Variants in CERS6 observed in about 807,000 individuals in gnomAD.
The protein encoded by CERS6 is LAG1 homolog, ceramide synthase 6.
Under a neutral mutation model 56.8 loss-of-function variants are expected in CERS6, and 26 were observed. That is an observed-to-expected ratio of 0.46 (90% CI 0.34 to 0.63). The LOEUF (loss-of-function observed/expected upper bound fraction) is 0.63, where lower values mean the gene tolerates loss of function less well. Ranked by LOEUF, CERS6 falls within the 30% of genes least tolerant of loss-of-function variation. The pLI is 0.01. For missense variants in CERS6, 415 were observed against 467.5 expected, an observed-to-expected ratio of 0.89 and a Z score of 1.04; for synonymous variants, 164 against 173.3, an observed-to-expected ratio of 0.95 and a Z score of 0.42.
chr2:168,492,782 G>A (rs1351323339), intron 1 of CERS6, among the ~76,000 whole-genome samples: 1 of 151,920 alleles, frequency 6.6e-6, no homozygotes, highest in Non-Finnish European at 1.5e-5. Flanking sequence ...TCTTTTATTG[G>A]GAGAGGAATA....
At chr2:168,527,116 G>A (rs552702410) in intron 1 of CERS6, among the ~76,000 whole-genome samples, 1 of 152,168 alleles carries the variant, frequency 6.6e-6, no homozygotes, top group African/African-American at 2.4e-5. Context: ...AGGCTGCTTG[G>A]CTGGAAGAGG....
chr2:168,747,569 A>G (rs1050762373), intron 8 of CERS6, among the ~76,000 whole-genome samples: 2 of 152,208 alleles, frequency 1.3e-5, no homozygotes, highest in Non-Finnish European at 2.9e-5. Flanking sequence ...ATATAGCCAA[A>G]TTATTTTCTA....
At chr2:168,708,774 T>A (rs1205462187) in intron 6 of CERS6, among the ~76,000 whole-genome samples, 1 of 152,176 alleles carries the variant, frequency 6.6e-6, no homozygotes, top group South Asian at 2.1e-4. Flanking sequence ...AAAATCTTGC[T>A]CTTCTAAATT....
intron 2 of CERS6, among the ~76,000 whole-genome samples, chr2:168,551,139 C>T (rs527367686): frequency 9.9e-5 from 15 of 152,282 alleles, no homozygotes; most frequent in Non-Finnish European, 1.9e-4. Context: ...CAAATGTGGA[C>T]CCTTCTGAAT....
chr2:168,542,511 T>C (rs1198807328), intron 1 of CERS6, among the ~76,000 whole-genome samples: 1 of 152,224 alleles, frequency 6.6e-6, no homozygotes, highest in Non-Finnish European at 1.5e-5. Flanking sequence ...CCAACTATTT[T>C]TGGAAAGCAT....
At chr2:168,698,569 C>T (rs955381336) in intron 6 of CERS6, among the ~76,000 whole-genome samples, 10 of 152,056 alleles carry the variant, frequency 6.6e-5, no homozygotes, top group African/African-American at 2.2e-4. Context: ...GATGAGAAAC[C>T]GCACCCAGGA....
rs569673750 is a variant in CERS6 at position 168,767,272 on chromosome 2, A to G, written c.1002+1524A>G. On this transcript the variant is annotated intron_variant, in intron 9 of 9. Transcript: ENST00000305747. ...GATAGTAAGATTCATCTTGACCATG[A>G]GTTATTTTCCTCTGGGCTATTTTGA... Among the ~76,000 whole-genome samples, 12 of 152,322 alleles carry G rather than the reference A, an allele frequency of 7.9e-5. No homozygotes were observed. The South Asian group carries it at 2.5e-3, about 32-fold the overall frequency.
chr2:168,623,093 G>A (rs751455617), intron 3 of CERS6, among the ~76,000 whole-genome samples: 1 of 152,056 alleles, frequency 6.6e-6, no homozygotes, highest in Non-Finnish European at 1.5e-5. Flanking sequence ...GTAACAGCTC[G>A]AAAAGGAGAC....
At chr2:168,711,594 C>T (rs1687091170) in intron 6 of CERS6, among the ~76,000 whole-genome samples, 2 of 151,932 alleles carry the variant, frequency 1.3e-5, no homozygotes, top group East Asian at 3.9e-4. Context: ...ATTAGCTGGG[C>T]GTGGTGGCTC....
At chr2:168,517,160 T>A (rs1435194836) in intron 1 of CERS6, among the ~76,000 whole-genome samples, 1 of 151,594 alleles carries the variant, frequency 6.6e-6, no homozygotes, top group Non-Finnish European at 1.5e-5. Flanking sequence ...AGGTTACTCT[T>A]AGGAGGATGT....
chr2:168,721,277 A>G (rs935830980), intron 8 of CERS6, among the ~76,000 whole-genome samples: 4 of 152,180 alleles, frequency 2.6e-5, no homozygotes, highest in African/African-American at 7.2e-5. Context: ...TGTAGCTTGT[A>G]TCAGTACTTC....
intron 8 of CERS6, among the ~76,000 whole-genome samples, chr2:168,760,891 G>T (rs1481648242): frequency 1.3e-5 from 2 of 152,098 alleles, no homozygotes; most frequent in African/African-American, 4.8e-5. Context: ...GCGTAGCTGG[G>T]ACTACAGGCG....
rs556335925 is a variant in CERS6, at chr2:168,629,165, G to T, written c.408-1820G>T. 2.0e-5 allele frequency among the ~76,000 whole-genome samples: 3 copies of T among 152,234 alleles called. No homozygotes were observed. The South Asian group carries it at 6.2e-4, about 32-fold the overall frequency. ...AGAATCTATGTGTTATGAAAACTGG[G>T]TCATTTTAGTGATTAAATAAAATGT... On this transcript the variant is annotated intron_variant, in intron 3 of 9. Transcript: ENST00000305747.
chr2:168,586,535 A>G lies in CERS6; in HGVS notation c.407+25213A>G, dbSNP rs867722372. On this transcript the variant is annotated intron_variant, in intron 3 of 9. Coordinates refer to ENST00000305747, the MANE Select transcript of CERS6 (RefSeq NM_203463.3). ...TTTCAGAAGGCTGTCCGATCTTCAA[A>G]TATAGCAAAGACTGTGTTTATTGGA... Among the ~76,000 whole-genome samples, 10 of 152,350 alleles carry G rather than the reference A, an allele frequency of 6.6e-5. No individual in the cohort carries two copies. In the South Asian group the frequency reaches 2.1e-3, roughly 32 times the overall value.
At chr2:168,497,364 C>T (rs1694491294) in intron 1 of CERS6, among the ~76,000 whole-genome samples, 1 of 150,316 alleles carries the variant, frequency 6.7e-6, no homozygotes, top group Non-Finnish European at 1.5e-5. Flanking sequence ...TGATAAATAC[C>T]ACAGCAATAA....
intron 4 of CERS6, among the ~76,000 whole-genome samples, chr2:168,672,403 A>G (rs1335042329): frequency 6.6e-6 from 1 of 152,246 alleles, no homozygotes; most frequent in African/African-American, 2.4e-5. Flanking sequence ...AAGAATGTAA[A>G]CATTATTGGG....
In CERS6 at chr2:168,750,157, T is replaced by A. The variant is rs1161797720; in HGVS notation, c.846-15435T>A. On this transcript the variant is annotated intron_variant, in intron 8 of 9. Coordinates refer to ENST00000305747, the MANE Select transcript of CERS6 (RefSeq NM_203463.3). ...TTAGCTAGTTCTCAATTTGGTCTGG[T>A]ATCTGAGCCCCACCTTCTACCTTGC... Among the ~76,000 whole-genome samples the A allele has an allele frequency of 3.9e-5, 6 of 152,202 alleles. No individual in the cohort carries two copies. The East Asian group carries it at 1.2e-3, about 29-fold the overall frequency.
At chr2:168,650,280 G>A (rs1033059119) in intron 4 of CERS6, among the ~76,000 whole-genome samples, 10 of 152,156 alleles carry the variant, frequency 6.6e-5, no homozygotes, top group Admixed American at 6.5e-4. Context: ...GAGAGGAGGG[G>A]AAGGACAGGA....
At chr2:168,517,498 TAAATAA>T (rs1694903678) in intron 1 of CERS6, among the ~76,000 whole-genome samples, 2 of 135,118 alleles carry the variant, frequency 1.5e-5, no homozygotes, top group African/African-American at 6.9e-5. Flanking sequence ...CCTCAAAAAA[TAAATAA>T]ATAAATAAAT....
Sources: gnomAD v4.1 joint callset for allele counts (sites outside exome capture counted in the v4.1 genomes callset) on GRCh38, gnomAD v4.1.1 for gene constraint, MANE v1.5 for transcripts, NCBI Gene and HGNC (gene_info 2026-07-23, HGNC 2026-07-21) for gene names.